The following TANC1 variants were observed in gnomAD, a reference collection of about 807,000 sequenced individuals.
TANC1 encodes protein TANC1.
In TANC1, 77 loss-of-function variants were observed where a neutral mutation model predicts 149.7. The observed-to-expected ratio is 0.51, with a 90% CI of 0.43 to 0.62. TANC1 has a LOEUF of 0.62. TANC1 is among the 20% of genes least tolerant of loss of function. The pLI is 0.00. For synonymous variants in TANC1, 854 were observed against 925.0 expected, an observed-to-expected ratio of 0.92 and a Z score of 1.39; for missense variants, 1,985 against 2,321.8, an observed-to-expected ratio of 0.85 and a Z score of 2.98.
Position 159,149,269 on chromosome 2 carries a change from C to G in TANC1, c.492C>G (p.Thr164=), listed in dbSNP as rs374580536. 1 of 1,614,054 alleles carries G rather than the reference C, an allele frequency of 6.2e-7. No individual in the cohort carries two copies. Among genetic ancestry groups the G allele is most frequent in the African/African-American group, 1.3e-5 (1 of 74,924 alleles). ...TAACCATTGAAGACAAAAATGAAAC[C>G]ATGGTAATGCCCGAGGAAGACACTA... ...THITIEDKNE[T]MCTALSQGIS... is the part of the protein sequence containing the mutation. Residue 164 remains threonine, a synonymous_variant, in exon 6 of 27, where the codon ACC becomes ACG. Transcript: ENST00000263635.
chr2:159,217,401 C>G, intron 19 of TANC1, 96 bp from the exon 20 acceptor site: 1 of 1,487,936 alleles, frequency 6.7e-7, no homozygotes, highest in Non-Finnish European at 9.3e-7. Context: ...CATATAGACC[C>G]CATCTCCCAC....
chr2:159,214,471 G>A (rs925292402), intron 19 of TANC1, among the ~76,000 whole-genome samples: 6 of 152,196 alleles, frequency 3.9e-5, no homozygotes, highest in Non-Finnish European at 8.8e-5. Flanking sequence ...ATGGTGCACA[G>A]GCCCCCTGTG....
intron 2 of TANC1, among the ~76,000 whole-genome samples, chr2:159,035,135 T>C (rs752181112): frequency 9.8e-5 from 15 of 152,316 alleles, no homozygotes; most frequent in South Asian, 2.1e-4. Context: ...GATAAACAAA[T>C]TTGAAGTGTG....
At chr2:159,076,981 T>G (rs1347032541) in intron 3 of TANC1, among the ~76,000 whole-genome samples, 2 of 151,790 alleles carry the variant, frequency 1.3e-5, no homozygotes, top group Non-Finnish European at 2.9e-5. Flanking sequence ...GGGACGTTCA[T>G]TTTGTTTTTT....
chr2:159,017,200 A>C (rs149269499), intron 2 of TANC1, among the ~76,000 whole-genome samples: 1 of 152,174 alleles, frequency 6.6e-6, no homozygotes. Context: ...TATATGGGAC[A>C]TACAGCCACC....
intron 19 of TANC1, among the ~76,000 whole-genome samples, chr2:159,217,260 A>T (rs1188094607): frequency 6.6e-6 from 1 of 152,122 alleles, no homozygotes; most frequent in East Asian, 1.9e-4. Flanking sequence ...GAGCTCCAAG[A>T]AAGAGTGTTC....
chr2:159,106,103 T>C (rs947117448), intron 4 of TANC1, among the ~76,000 whole-genome samples: 16 of 152,346 alleles, frequency 1.1e-4, no homozygotes, highest in African/African-American at 3.4e-4. Context: ...TTGCATTTTT[T>C]TAAAAAACAG....
intron 2 of TANC1, among the ~76,000 whole-genome samples, chr2:159,060,579 T>G (rs2042166945): frequency 6.6e-6 from 1 of 152,258 alleles, no homozygotes; most frequent in Non-Finnish European, 1.5e-5. Flanking sequence ...TGTTAATTGC[T>G]TGATTTGGAG....
intron 18 of TANC1, among the ~76,000 whole-genome samples, chr2:159,197,561 C>G (rs141594866): frequency 2.0e-3 from 303 of 152,232 alleles, no homozygotes; most frequent in African/African-American, 6.9e-3. Flanking sequence ...GACACACACA[C>G]AAGCATGAAA....
intron 2 of TANC1, chr2:159,004,321 A>G: frequency 6.2e-7 from 1 of 1,611,888 alleles, no homozygotes; most frequent in Non-Finnish European, 8.5e-7. Flanking sequence ...GAAGCTAACT[A>G]AAAGTTTGGT....
At chr2:159,217,414 G>C in intron 19 of TANC1, 83 bp from the exon 20 acceptor site, 1 of 1,548,316 alleles carries the variant, frequency 6.5e-7, no homozygotes, top group Non-Finnish European at 8.8e-7. Flanking sequence ...TCTCCCACTG[G>C]GGGAGAGAAC....
At chr2:159,215,776 G>A (rs899207167) in intron 19 of TANC1, among the ~76,000 whole-genome samples, 2 of 152,174 alleles carry the variant, frequency 1.3e-5, no homozygotes, top group Non-Finnish European at 2.9e-5. Flanking sequence ...TTTTCTTTTG[G>A]GTTTGGTTTC....
At position 159,199,017 on chromosome 2, in the gene TANC1, G is replaced by A. The variant is rs1559444922; in HGVS notation, c.3208G>A (p.Glu1070Lys). 6.2e-7 allele frequency: 1 copy of A among 1,614,088 alleles called. No homozygotes were observed. The change falls in exon 19 of 27, where the codon GAA becomes AAA. Residue 1070 changes from glutamate (E) to lysine (K), a missense_variant. This residue lies in a region of TANC1 where 920 missense variants were observed against 994.7 expected (regional missense o/e 0.92). Transcript: ENST00000263635. ...GGGGATGGAGAAGGAACATGAAGTA[G>A]AAGTCAATGGCACCGACACATTGTG... ...LLGMEKEHEV[E>K]VNGTDTLWGE... is the part of the protein sequence containing the mutation.
intron 11 of TANC1, among the ~76,000 whole-genome samples, 153 bp from the exon 12 acceptor site, chr2:159,174,800 G>T (rs944863743): frequency 1.3e-5 from 2 of 152,216 alleles, no homozygotes; most frequent in Non-Finnish European, 2.9e-5. Flanking sequence ...AGGAATAAAT[G>T]GAACAATTAT....
intron 18 of TANC1, among the ~76,000 whole-genome samples, chr2:159,197,568 G>T (rs192615488): frequency 2.1e-3 from 325 of 152,092 alleles, no homozygotes; most frequent in African/African-American, 7.0e-3. Context: ...ACACAAGCAT[G>T]AAATAGTGGC....
chr2:159,150,330 G>A (rs755463199), intron 6 of TANC1, 40 bp from the exon 7 acceptor site: 5 of 1,566,782 alleles, frequency 3.2e-6, no homozygotes, highest in Non-Finnish European at 4.4e-6. Context: ...GAAGCATCCT[G>A]TGTAAGCCGT....
chr2:159,139,146 T>G (rs2051095297), intron 5 of TANC1, among the ~76,000 whole-genome samples: 1 of 152,076 alleles, frequency 6.6e-6, no homozygotes, highest in African/African-American at 2.4e-5. Context: ...GGTGGGAGGA[T>G]TGCTTGAGAC....
At chr2:159,067,775 G>T (rs903186693) in intron 3 of TANC1, among the ~76,000 whole-genome samples, 2 of 152,154 alleles carry the variant, frequency 1.3e-5, no homozygotes, top group Non-Finnish European at 2.9e-5. Flanking sequence ...GTCGGTAACA[G>T]TTCTTCAAAA....
chr2:159,183,675 C>T (rs867912086), intron 14 of TANC1, among the ~76,000 whole-genome samples: 25 of 151,466 alleles, frequency 1.7e-4, no homozygotes, highest in African/African-American at 5.1e-4. Flanking sequence ...GCTTAGGGGG[C>T]GGGTGGTTTT....
Sources: gnomAD v4.1 joint callset for allele counts (sites outside exome capture counted in the v4.1 genomes callset) on GRCh38, gnomAD v4.1.1 for gene constraint, gnomAD v4.1.1 regional missense constraint, MANE v1.5 for transcripts, NCBI Gene and HGNC (gene_info 2026-07-23, HGNC 2026-07-21) for gene names.